The following KLHL1 variants were observed in gnomAD, a reference collection of about 807,000 sequenced individuals.
KLHL1 encodes the protein kelch like family member 1.
Under a neutral mutation model 77.7 loss-of-function variants are expected in KLHL1, and 47 were observed. The observed-to-expected ratio is 0.60, with a 90% CI of 0.48 to 0.77. KLHL1 has a LOEUF of 0.77. Ranked by LOEUF, KLHL1 falls within the 30% of genes least tolerant of loss-of-function variation. KLHL1 has a pLI of 0.00. For synonymous variants in KLHL1, 360 were observed against 325.2 expected (o/e 1.11, Z -1.15); for missense variants, 925 against 910.8 (o/e 1.02, Z -0.20).
intron 7 of KLHL1, among the ~76,000 whole-genome samples, chr13:69,787,587 G>C (rs1476725084): frequency 6.6e-6 from 1 of 152,168 alleles, no homozygotes; most frequent in Non-Finnish European, 1.5e-5. Flanking sequence ...TACCATTCAG[G>C]ACATAGGCAT....
At chr13:69,882,257 A>G in intron 5 of KLHL1, 26 bp downstream of exon 5, 1 of 1,507,376 alleles carries the variant, frequency 6.6e-7, no homozygotes, top group Non-Finnish European at 9.2e-7. Flanking sequence ...CATTGAATCT[A>G]TTTAAACAGC....
intron 1 of KLHL1, among the ~76,000 whole-genome samples, chr13:70,064,036 T>C (rs1886951153): frequency 6.6e-6 from 1 of 152,120 alleles, no homozygotes; most frequent in Non-Finnish European, 1.5e-5. Context: ...TAGAAAATAC[T>C]TATTATCAGA....
At chr13:69,718,599 T>C (rs1391084426) in intron 9 of KLHL1, among the ~76,000 whole-genome samples, 1 of 152,120 alleles carries the variant, frequency 6.6e-6, no homozygotes, top group African/African-American at 2.4e-5. Flanking sequence ...TGGATCATTA[T>C]GTATCCTATG....
Position 69,733,884 on chromosome 13 carries a change from A to G in KLHL1, c.1802+6510T>C, listed in dbSNP as rs1873657624. The stretch of plus-strand genomic sequence containing the variant: ...TGTGTATGTACATTCACCAAAAGAT[A>G]TACATAAGAATATTCATAACTGCAT... On this transcript the variant is annotated intron_variant, in intron 8 of 10. Transcript: ENST00000377844. 3.3e-5 allele frequency among the ~76,000 whole-genome samples: 5 copies of G among 152,334 alleles called. No homozygotes were observed. In the South Asian group the frequency reaches 1.0e-3, roughly 32 times the overall value.
At chr13:70,018,051 C>T (rs1007118604) in intron 1 of KLHL1, among the ~76,000 whole-genome samples, 1 of 151,282 alleles carries the variant, frequency 6.6e-6, no homozygotes, top group Admixed American at 6.6e-5. Flanking sequence ...AGAACTAGCG[C>T]AAAAAAAAGT....
chr13:70,085,231 G>C (rs1887506861), intron 1 of KLHL1, among the ~76,000 whole-genome samples: 1 of 152,158 alleles, frequency 6.6e-6, no homozygotes, highest in Non-Finnish European at 1.5e-5. Context: ...GACAGAGAGA[G>C]AGAGAACGGG....
chr13:69,726,916 T>A (rs918000981), intron 8 of KLHL1, among the ~76,000 whole-genome samples: 1 of 152,142 alleles, frequency 6.6e-6, no homozygotes, highest in African/African-American at 2.4e-5. Flanking sequence ...TGAAATTTTT[T>A]AAAAAATGAA....
intron 3 of KLHL1, among the ~76,000 whole-genome samples, chr13:69,958,749 A>ATACATATT: frequency 6.6e-6 from 1 of 151,504 alleles, no homozygotes; most frequent in East Asian, 1.9e-4. Flanking sequence ...AAAAAAAAAA[A>ATACATATT]ATACATATTA....
chr13:70,005,869 T>A (rs886920335), intron 1 of KLHL1, among the ~76,000 whole-genome samples: 1 of 151,708 alleles, frequency 6.6e-6, no homozygotes, highest in African/African-American at 2.4e-5. Context: ...GTAAGAACTC[T>A]TATCATGAGA....
At chr13:70,066,066 T>C (rs1025279475) in intron 1 of KLHL1, among the ~76,000 whole-genome samples, 2 of 152,166 alleles carry the variant, frequency 1.3e-5, no homozygotes, top group Admixed American at 6.5e-5. Context: ...CTACAGACTA[T>C]AGCATAATTA....
At chr13:69,972,243 G>A (rs1359617879) in intron 2 of KLHL1, among the ~76,000 whole-genome samples, 3 of 151,826 alleles carry the variant, frequency 2.0e-5, no homozygotes, top group Non-Finnish European at 4.4e-5. Flanking sequence ...GCTACTAAAT[G>A]CATCATTTCA....
At position 69,975,681 on chromosome 13, in the gene KLHL1, T is replaced by G; in HGVS notation, c.619A>C (p.Lys207Gln). Residue 207 changes from lysine to glutamine, a missense_variant, in exon 2 of 11, where the codon AAG (lysine) becomes CAG (glutamine). Physicochemically the swap from Lys to Gln is moderately conservative, Grantham distance 53 (BLOSUM62 1). Coordinates refer to ENST00000377844, the MANE Select transcript of KLHL1 (RefSeq NM_020866.3). ...QTFRKMESYL[K>Q]QQQLCDVILI... Reference sequence around the variant, plus strand: ...ATAACATCACAAAGTTGCTGCTGCTTCAAATAACTTTCCATCTTTCTGAAG... The same window carrying G: ...ATAACATCACAAAGTTGCTGCTGCTGCAAATAACTTTCCATCTTTCTGAAG... The G allele has an allele frequency of 6.2e-7, 1 of 1,613,738 alleles. No individual in the cohort carries two copies. Among genetic ancestry groups the G allele is most frequent in the African/African-American group, 1.3e-5 (1 of 75,012 alleles).
intron 5 of KLHL1, among the ~76,000 whole-genome samples, chr13:69,850,879 C>T (rs1001526317): frequency 5.3e-5 from 8 of 151,740 alleles, no homozygotes; most frequent in South Asian, 4.1e-4. Flanking sequence ...GAACAATTTT[C>T]GCACTTTGTC....
chr13:70,006,483 C>T (rs984235076), intron 1 of KLHL1, among the ~76,000 whole-genome samples: 1 of 141,304 alleles, frequency 7.1e-6, no homozygotes, highest in African/African-American at 2.6e-5. Context: ...TCAGTACATT[C>T]GAAAGTATTC....
At chr13:69,935,251 ACATAGTTCACCTACTGGTGAACT>A (rs1883148742) in intron 4 of KLHL1, among the ~76,000 whole-genome samples, 1 of 146,798 alleles carries the variant, frequency 6.8e-6, no homozygotes, top group African/African-American at 2.6e-5. Context: ...TGAACTTGGT[ACATAGTTCACCTACTGGTGAACT>A]TGGTACATAG....
At chr13:69,980,124 T>C (rs1300673748) in intron 1 of KLHL1, among the ~76,000 whole-genome samples, 1 of 152,210 alleles carries the variant, frequency 6.6e-6, no homozygotes, top group Non-Finnish European at 1.5e-5. Context: ...CAGGACTCAA[T>C]ATTCTTTACT....
At chr13:69,701,851 T>C in intron 10 of KLHL1, 90 bp from the exon 11 acceptor site, 2 of 919,234 alleles carry the variant, frequency 2.2e-6, no homozygotes, top group Non-Finnish European at 3.3e-6. Context: ...ATGAAAATCA[T>C]AAATAAATGT....
chr13:69,857,394 C>T (rs1879961709), intron 5 of KLHL1, among the ~76,000 whole-genome samples: 1 of 152,028 alleles, frequency 6.6e-6, no homozygotes, highest in Admixed American at 6.6e-5. Context: ...TGTAGTCGCA[C>T]ATATTTATTT....
At chr13:69,890,576 AATCAATTACTATTCTGTTT>A (rs1437404200) in intron 4 of KLHL1, among the ~76,000 whole-genome samples, 1 of 152,014 alleles carries the variant, frequency 6.6e-6, no homozygotes, top group Non-Finnish European at 1.5e-5. Context: ...TCCAAGGGCA[AATCAATTACTATTCTGTTT>A]ATCACCTTTG....
Sources: allele counts gnomAD v4.1 joint callset (sites outside exome capture counted in the v4.1 genomes callset), GRCh38; gene constraint gnomAD v4.1.1; transcripts MANE v1.5; gene names NCBI Gene and HGNC (gene_info 2026-07-23, HGNC 2026-07-21).